CLN3: variants seen among roughly 807,000 people sequenced by gnomAD.
CLN3 encodes CLN3 lysosomal/endosomal transmembrane protein, battenin.
Under a neutral mutation model 60.7 loss-of-function variants are expected in CLN3, and 49 were observed. The observed-to-expected ratio is 0.81, with a 90% CI of 0.64 to 1.02. The LOEUF (loss-of-function observed/expected upper bound fraction) is 1.02. CLN3 is among the 50% of genes least tolerant of loss of function. The probability of loss-of-function intolerance (pLI) is 0.00; values close to 1 mark genes in which losing one functional copy is unlikely to be tolerated. For missense variants in CLN3, 516 were observed against 557.4 expected (o/e 0.93, Z 0.75); for synonymous variants, 256 against 245.8 (o/e 1.04, Z -0.39).
intron 14 of CLN3, 78 bp downstream of exon 14, chr16:28,482,027 G>T: frequency 9.4e-7 from 1 of 1,067,862 alleles, no homozygotes; most frequent in Non-Finnish European, 1.4e-6. Flanking sequence ...CTGATAGTGG[G>T]AAGCAGGGGG....
intron 7 of CLN3, chr16:28,487,025 C>T: frequency 2.7e-6 from 1 of 365,132 alleles, no homozygotes; most frequent in South Asian, 2.4e-5. Flanking sequence ...ATTCTCCTGC[C>T]TCAGCCTCCC....
At chr16:28,481,396 C>T (rs922159762) in intron 14 of CLN3, among the ~76,000 whole-genome samples, 8 of 150,046 alleles carry the variant, frequency 5.3e-5, no homozygotes, top group African/African-American at 2.0e-4. Flanking sequence ...CCACCTGGCC[C>T]GGCCCAATCC....
intron 10 of CLN3, 36 bp from the exon 11 acceptor site, chr16:28,482,708 T>G (rs776022226): frequency 6.2e-7 from 1 of 1,612,300 alleles, no homozygotes; most frequent in Non-Finnish European, 8.5e-7. Context: ...CAGATGAAGT[T>G]TTCACACTGA....
chr16:28,477,147 A>C, downstream of CLN3: 1 of 327,838 alleles, frequency 3.1e-6, no homozygotes, highest in South Asian at 2.6e-5. Context: ...ACAAACAAAC[A>C]AACAAACAAA....
chr16:28,475,681 T>C (rs1286759166), downstream of CLN3: 10 of 152,226 alleles, frequency 6.6e-5, no homozygotes, highest in Admixed American at 5.9e-4. Context: ...TACATAACTA[T>C]TTAAAGTAAA....
downstream of CLN3, among the ~76,000 whole-genome samples, chr16:28,473,164 G>C (rs2045965758): frequency 6.6e-6 from 1 of 151,888 alleles, no homozygotes; most frequent in African/African-American, 2.4e-5. Flanking sequence ...GAGTGCAATG[G>C]TTCAATCTCA....
At chr16:28,479,864 T>C (rs1366221209) in intron 14 of CLN3, 1 of 156,988 alleles carries the variant, frequency 6.4e-6, no homozygotes, top group Non-Finnish European at 1.4e-5. Flanking sequence ...CACCCTGAGT[T>C]ATAAATTTGG....
Position 28,477,838 on chromosome 16 carries a change from C to A in CLN3, c.1096G>T (p.Gly366Cys). ...ACGAGGTAGATGCTTGGCAGAAAGC[C>A]GAACCACACGTCTGCCAGCAGGAAC... ...LVFLLADVWF[G>C]FLPSIYLVFL... Residue 366 changes from glycine to cysteine, a missense_variant, in exon 15 of 16, where the codon GGC becomes TGC. Transcript: ENST00000636147. 1 of 1,614,104 alleles carries A rather than the reference C, an allele frequency of 6.2e-7. No individual in the cohort carries two copies. Among genetic ancestry groups the A allele is most frequent in the Non-Finnish European group, 8.5e-7 (1 of 1,180,034 alleles).
intron 3 of CLN3, among the ~76,000 whole-genome samples, chr16:28,489,920 A>C (rs887244563): frequency 6.6e-6 from 1 of 151,786 alleles, no homozygotes; most frequent in African/African-American, 2.4e-5. Flanking sequence ...AGCTGGGCGA[A>C]GTTGCACATG....
intron 14 of CLN3, 59 bp downstream of exon 14, chr16:28,482,046 A>G: frequency 7.5e-7 from 1 of 1,337,688 alleles, no homozygotes; most frequent in South Asian, 1.2e-5. Context: ...GGTTTGGGGA[A>G]GCTGGGAGCC....
intron 9 of CLN3, chr16:28,484,534 T>C (rs986052723): frequency 8.4e-6 from 2 of 239,406 alleles, no homozygotes; most frequent in Non-Finnish European, 1.7e-5. Flanking sequence ...ATTTTTTGTA[T>C]AAATGGAGTC....
At chr16:28,486,818 T>C in intron 7 of CLN3, 168 bp from the exon 8 acceptor site, 1 of 701,716 alleles carries the variant, frequency 1.4e-6, no homozygotes, top group Non-Finnish European at 2.5e-6. Context: ...CCCCTGCGTG[T>C]CCCTTCATGG....
rs1241022940 is a variant in CLN3 at position 28,488,613 on chromosome 16, T to C, written c.272A>G (p.Asp91Gly). Residue 91 changes from aspartate to glycine, a missense_variant, in exon 5 of 16, where the codon GAC becomes GGC. Transcript: ENST00000636147. ...PIPHNSSSRF[D>G]CNSVSTAAVL... is the part of the protein sequence containing the mutation. ...CACAGCCGTAGAGACAGAGTTGCAG[T>C]CAAATCGTGATGAGCTGTTGTGGGG... 1 of 1,614,074 alleles carries C rather than the reference T, an allele frequency of 6.2e-7. No individual in the cohort carries two copies. The highest frequency in any genetic ancestry group is 2.2e-5 in the East Asian group (1 of 44,872).
chr16:28,487,074 C>G (rs1294677044), intron 7 of CLN3: 8 of 366,164 alleles, frequency 2.2e-5, no homozygotes, highest in Non-Finnish European at 4.2e-5. Flanking sequence ...CCACACCCAG[C>G]TAATTTTTGT....
At chr16:28,472,441 T>A (rs1190883723), downstream of CLN3, among the ~76,000 whole-genome samples, 1 of 152,182 alleles carries the variant, frequency 6.6e-6, no homozygotes, top group African/African-American at 2.4e-5. Flanking sequence ...TCTACTATGT[T>A]AACTTTTTTC....
chr16:28,486,862 C>G, intron 7 of CLN3: 3 of 631,536 alleles, frequency 4.8e-6, no homozygotes, highest in Non-Finnish European at 8.6e-6. Flanking sequence ...GTTATCAGAC[C>G]AGGGGCAGAC....
At chr16:28,480,856 T>C (rs1281520940) in intron 14 of CLN3, among the ~76,000 whole-genome samples, 1 of 152,120 alleles carries the variant, frequency 6.6e-6, no homozygotes, top group Non-Finnish European at 1.5e-5. Flanking sequence ...TAAGGAAGGG[T>C]GTTTGCGCCC....
At chr16:28,469,693 A>C (rs1318915885), downstream of CLN3, 25 of 378,092 alleles carry the variant, frequency 6.6e-5, no homozygotes, top group Non-Finnish European at 1.2e-4. Context: ...CTTACACTTA[A>C]GGTTATATAT....
At chr16:28,483,944 A>G in intron 10 of CLN3, 62 bp downstream of exon 10, 1 of 1,196,294 alleles carries the variant, frequency 8.4e-7, no homozygotes, top group Middle Eastern at 1.9e-4. Context: ...CCTATTGCAG[A>G]GAGGAAAAGG....
Sources: allele counts gnomAD v4.1 joint callset (sites outside exome capture counted in the v4.1 genomes callset), GRCh38; gene constraint gnomAD v4.1.1; transcripts MANE v1.5; gene names NCBI Gene and HGNC (gene_info 2026-07-23, HGNC 2026-07-21).